SPG7: variants seen among roughly 807,000 people sequenced by gnomAD.
The protein encoded by SPG7 is mitochondrial inner membrane m-AAA protease component paraplegin.
A neutral mutation model predicts 81.9 loss-of-function variants in SPG7; 103 were observed. The observed-to-expected ratio is 1.26, with a 90% CI of 1.07 to 1.48. SPG7 has a LOEUF of 1.48. SPG7 is among the 40% of genes most tolerant of loss of function. The pLI is 0.00. For synonymous variants in SPG7, 534 were observed against 444.2 expected, an observed-to-expected ratio of 1.20 and a Z score of -2.54; for missense variants, 1,241 against 1,087.3, an observed-to-expected ratio of 1.14 and a Z score of -1.99.
chr16:89,552,574 TG>T (rs1405994548), intron 13 of SPG7: 1 of 300,042 alleles, frequency 3.3e-6, no homozygotes, highest in Non-Finnish European at 6.6e-6. Context: ...GCAGCAGAGG[TG>T]AGGACAGCCT....
chr16:89,517,385 C>T (rs933543150), intron 3 of SPG7: 1 of 152,194 alleles, frequency 6.6e-6, no homozygotes, highest in African/African-American at 2.4e-5. Flanking sequence ...TGGCAGCCTC[C>T]GTTGCCATGG....
At position 89,537,209 on chromosome 16, in the gene SPG7, C is replaced by G. The variant is rs900053772; in HGVS notation, c.1324+4573C>G. On this transcript the variant is annotated intron_variant, in intron 9 of 16. Coordinates refer to ENST00000645818, the MANE Select transcript of SPG7 (RefSeq NM_003119.4). The stretch of plus-strand genomic sequence containing the variant: ...GACGCTGTGCCGGTCGTGGGGAAAT[C>G]TCACTGGGGAAGAGAAAAGCCCAAG... The G allele has an allele frequency of 9.8e-6, 14 of 1,429,550 alleles. No individual in the cohort carries two copies. The African/African-American group carries it at 1.0e-4, about 10-fold the overall frequency. 88.6% of individuals were successfully genotyped at this position (1,429,550 alleles called of 1,614,324 possible).
chr16:89,527,718 C>T lies in SPG7; in HGVS notation c.758+1250C>T, dbSNP rs182848838. Among the ~76,000 whole-genome samples, 259 of 152,196 alleles carry T rather than the reference C, an allele frequency of 1.7e-3. 1 individual carries two copies. Among genetic ancestry groups the T allele is most frequent in the South Asian group, 0.014 (69 of 4,814 alleles). On this transcript the variant is annotated intron_variant, in intron 5 of 16. Transcript: ENST00000645818. ...CTTAGTAGGACAAATGAGGGGCCAG[C>T]GGGTACTGAAACAGAGGTTTATTGT...
intron 1 of SPG7, among the ~76,000 whole-genome samples, chr16:89,509,699 C>CT (rs963482202): frequency 6.6e-6 from 1 of 152,048 alleles, no homozygotes; most frequent in African/African-American, 2.4e-5. Flanking sequence ...CCACTGTGGC[C>CT]TTTGGAGAGC....
chr16:89,526,624 A>G (rs2058263838), intron 5 of SPG7, 156 bp downstream of exon 5: 2 of 743,886 alleles, frequency 2.7e-6, no homozygotes, highest in Admixed American at 2.0e-5. Context: ...GAATGATACA[A>G]TGCCAGGAGA....
intron 4 of SPG7, among the ~76,000 whole-genome samples, chr16:89,525,269 G>A (rs531819998): frequency 6.6e-6 from 1 of 152,346 alleles, no homozygotes; most frequent in South Asian, 2.1e-4. Context: ...GCCTGGCGCT[G>A]TCTTGCTATT....
Position 89,556,974 on chromosome 16 carries a change from A to G in SPG7, c.2269A>G (p.Met757Val). The change falls in exon 17 of 17, where the codon ATG becomes GTG. Residue 757 changes from methionine to valine, a missense_variant. Met to Val is a conservative substitution (Grantham distance 21, BLOSUM62 1). Coordinates refer to ENST00000645818, the MANE Select transcript of SPG7 (RefSeq NM_003119.4). The stretch of plus-strand genomic sequence containing the variant: ...CCCGCCGCCCCATGGGCCGAAGAAA[A>G]TGATCGCACCGCAGAGGTGGATCGA... ...IGPPPHGPKKMIAPQRWIDAQ... is the reference protein window; with the variant it reads ...IGPPPHGPKKVIAPQRWIDAQ... 1 of 1,614,106 alleles carries G rather than the reference A, an allele frequency of 6.2e-7. No homozygotes were observed. Among genetic ancestry groups the G allele is most frequent in the Non-Finnish European group, 8.5e-7 (1 of 1,180,038 alleles).
intron 12 of SPG7, chr16:89,549,551 T>C (rs993430131): frequency 6.9e-6 from 2 of 289,646 alleles, no homozygotes; most frequent in Admixed American, 4.9e-5. Context: ...ACCTCTGGTC[T>C]CAGCTACTCA....
intron 8 of SPG7, 90 bp downstream of exon 8, chr16:89,532,156 G>T: frequency 7.2e-7 from 1 of 1,383,532 alleles, no homozygotes; most frequent in Non-Finnish European, 1.0e-6. Context: ...GACTGAAAGG[G>T]ACACGGGTGG....
At position 89,546,666 on chromosome 16, in the gene SPG7, G is replaced by C. The variant is rs1444581857; in HGVS notation, c.1458G>C (p.Arg486=). 1.2e-6 allele frequency: 2 copies of C among 1,612,296 alleles called. No homozygotes were observed. Among genetic ancestry groups the C allele is most frequent in the African/African-American group, 1.3e-5 (1 of 74,864 alleles). ...FIDLPTLQER[R]EIFEQHLKSL... ...TCCCCTGGTTCTGGCAGGAGAGGCG[G>C]GAGATTTTTGAGCAGCACCTGAAGA... Residue 486 remains arginine (R), a synonymous_variant, in exon 11 of 17, where the codon CGG becomes CGC. Coordinates refer to ENST00000645818, the MANE Select transcript of SPG7 (RefSeq NM_003119.4).
chr16:89,548,685 G>A (rs188455935), intron 12 of SPG7: 5 of 341,494 alleles, frequency 1.5e-5, no homozygotes, highest in East Asian at 7.8e-5. Context: ...GCCGTTCCGT[G>A]GCTGCTCAGT....
intron 1 of SPG7, chr16:89,508,972 T>C (rs2152393139): frequency 2.1e-6 from 1 of 487,348 alleles, no homozygotes; most frequent in Non-Finnish European, 4.0e-6. Context: ...CACCAGGAAT[T>C]CCAGCGCCTT....
chr16:89,523,720 G>T (rs1229449525), intron 3 of SPG7: 9 of 541,578 alleles, frequency 1.7e-5, no homozygotes, highest in Non-Finnish European at 2.5e-5. Context: ...GCACCGTTGT[G>T]CCCAGGTCTA....
intron 9 of SPG7, chr16:89,533,896 G>A (rs2058378923): frequency 2.0e-5 from 3 of 152,330 alleles, no homozygotes; most frequent in South Asian, 4.1e-4. Context: ...CTGTTGGGGA[G>A]GCCGAGGCAG....
intron 9 of SPG7, chr16:89,540,403 A>G (rs947581472): frequency 5.3e-5 from 8 of 152,086 alleles, no homozygotes; most frequent in Non-Finnish European, 7.3e-5. Flanking sequence ...CCTGAGCAAC[A>G]TAGTGAGATT....
chr16:89,551,832 A>G (rs2058636788), intron 13 of SPG7: 1 of 152,196 alleles, frequency 6.6e-6, no homozygotes, highest in African/African-American at 2.4e-5. Context: ...CAGAGTCTGC[A>G]GTGAGCCAAG....
intron 9 of SPG7, chr16:89,540,742 A>C: frequency 3.6e-6 from 1 of 276,122 alleles, no homozygotes; most frequent in Non-Finnish European, 5.5e-6. Flanking sequence ...ACGTGTGCTC[A>C]CCATGTGACC....
chr16:89,529,596 A>G lies in SPG7; in HGVS notation c.861+17A>G, dbSNP rs750517880. ...AGTGCTTTTGTAAGTTCTGTAAATC[A>G]GAGCTCTCTGAACTCTTTCTGGTTT... On this transcript the variant is annotated intron_variant, in intron 6 of 16. Transcript: ENST00000645818. The G allele has an allele frequency of 9.6e-6, 15 of 1,555,554 alleles. No homozygotes were observed. Among genetic ancestry groups the G allele is most frequent in the Middle Eastern group, 1.7e-4 (1 of 5,980 alleles).
At position 89,526,428 on chromosome 16, in the gene SPG7, A is replaced by G; in HGVS notation, c.718A>G (p.Arg240Gly). 1 of 1,614,236 alleles carries G rather than the reference A, an allele frequency of 6.2e-7. No homozygotes were observed. Among genetic ancestry groups the G allele is most frequent in the South Asian group, 1.1e-5 (1 of 91,082 alleles). Residue 240 changes from arginine (R) to glycine (G), a missense_variant, in exon 5 of 17, where the codon AGG (arginine) becomes GGG (glycine). Arg to Gly is a moderately radical substitution (Grantham distance 125, BLOSUM62 -2). Coordinates refer to ENST00000645818, the MANE Select transcript of SPG7 (RefSeq NM_003119.4). ...TGAGCTGAATATCGAGGCCAAGGAC[A>G]GGATCCCAGTTTCCTACAAGCGAAC... The part of the protein sequence containing the change: ...EDELNIEAKD[R>G]IPVSYKRTGF...
Sources: gnomAD v4.1 joint callset for allele counts (sites outside exome capture counted in the v4.1 genomes callset) on GRCh38, gnomAD v4.1.1 for gene constraint, MANE v1.5 for transcripts, NCBI Gene and HGNC (gene_info 2026-07-23, HGNC 2026-07-21) for gene names.